RORA: variants seen among roughly 807,000 people sequenced by gnomAD.
RORA encodes RAR related orphan receptor A.
RORA carries 7 observed loss-of-function variants against 69.5 expected under a neutral mutation model. The observed-to-expected ratio is 0.10, with a 90% CI of 0.06 to 0.19. The LOEUF (loss-of-function observed/expected upper bound fraction) is 0.19. Ranked by LOEUF, RORA falls within the 10% of genes least tolerant of loss-of-function variation. The probability of loss-of-function intolerance (pLI) is 1.00; values close to 1 mark genes in which losing one functional copy is unlikely to be tolerated. For missense variants in RORA, 457 were observed against 663.0 expected (o/e 0.69, Z 3.41); for synonymous variants, 261 against 240.8 (o/e 1.08, Z -0.78).
At chr15:60,806,645 G>T (rs2072663690) in intron 1 of RORA, among the ~76,000 whole-genome samples, 1 of 152,186 alleles carries the variant, frequency 6.6e-6, no homozygotes, top group Admixed American at 6.5e-5. Flanking sequence ...CTACAAAGTA[G>T]GCACTGTGGG....
chr15:60,510,658 G>C (rs2065665843), intron 5 of RORA: 1 of 152,816 alleles, frequency 6.5e-6, no homozygotes, highest in Non-Finnish European at 1.5e-5. Context: ...ATTGAAAGGT[G>C]TAATCCCCTG....
chr15:60,734,184 G>A (rs1217122902), intron 1 of RORA, among the ~76,000 whole-genome samples: 2 of 152,096 alleles, frequency 1.3e-5, no homozygotes, highest in African/African-American at 4.8e-5. Flanking sequence ...CCCTAAATCA[G>A]TGTTCTCCAA....
intron 1 of RORA, among the ~76,000 whole-genome samples, chr15:61,152,313 G>A (rs1313152898): frequency 2.0e-5 from 3 of 151,996 alleles, no homozygotes; most frequent in African/African-American, 7.3e-5. Flanking sequence ...AGAAGGAAGT[G>A]GAATAAGCAA....
chr15:61,118,643 G>A (rs930462528), intron 1 of RORA, among the ~76,000 whole-genome samples: 21 of 152,114 alleles, frequency 1.4e-4, no homozygotes, highest in African/African-American at 4.8e-4. Context: ...CCAGAGGTGA[G>A]AGAGAGCAGC....
intron 1 of RORA, among the ~76,000 whole-genome samples, chr15:60,721,057 A>G (rs1451731671): frequency 6.6e-6 from 1 of 152,294 alleles, no homozygotes; most frequent in East Asian, 1.9e-4. Flanking sequence ...ACAGAGAAAC[A>G]CAGAAACCTC....
chr15:60,997,726 C>T (rs1894603689), intron 1 of RORA, among the ~76,000 whole-genome samples: 1 of 152,154 alleles, frequency 6.6e-6, no homozygotes. Context: ...CCCATCTCTA[C>T]AATAGAAGAT....
intron 1 of RORA, among the ~76,000 whole-genome samples, chr15:60,924,756 G>T (rs1356719363): frequency 1.3e-5 from 2 of 152,280 alleles, no homozygotes; most frequent in Non-Finnish European, 2.9e-5. Flanking sequence ...AGTGATTATT[G>T]ATAGGACACA....
At chr15:61,100,148 C>T (rs1334252183) in intron 1 of RORA, among the ~76,000 whole-genome samples, 1 of 128,808 alleles carries the variant, frequency 7.8e-6, no homozygotes, top group Non-Finnish European at 1.6e-5. Flanking sequence ...GAGATGGAGT[C>T]TCACTCTGTC....
In RORA at chr15:60,730,633, C is replaced by T. The variant is rs550039443; in HGVS notation, c.167-51947G>A. Among the ~76,000 whole-genome samples the T allele has an allele frequency of 5.9e-5, 9 of 152,286 alleles. No homozygotes were observed. In the South Asian group the frequency reaches 1.9e-3, roughly 32 times the overall value. On this transcript the variant is annotated intron_variant, in intron 1 of 10. Coordinates refer to ENST00000335670, the MANE Select transcript of RORA (RefSeq NM_134261.3). ...TTAAATATATGCTTAAATACAGATGCATGTATGTGTGTGCTCACTTGTATT... is the reference window on the plus strand; with the variant it reads ...TTAAATATATGCTTAAATACAGATGTATGTATGTGTGTGCTCACTTGTATT...
intron 1 of RORA, among the ~76,000 whole-genome samples, chr15:60,773,844 T>C (rs551416700): frequency 1.3e-5 from 2 of 152,270 alleles, no homozygotes; most frequent in East Asian, 1.9e-4. Context: ...TACCTAGATA[T>C]GGAAATTTCC....
At chr15:61,031,306 A>C (rs571013446) in intron 1 of RORA, among the ~76,000 whole-genome samples, 1 of 152,270 alleles carries the variant, frequency 6.6e-6, no homozygotes, top group East Asian at 1.9e-4. Flanking sequence ...GGATGCCTTT[A>C]TTTCACACGT....
intron 1 of RORA, among the ~76,000 whole-genome samples, chr15:61,205,212 G>T (rs1322494819): frequency 6.6e-6 from 1 of 152,192 alleles, no homozygotes; most frequent in Non-Finnish European, 1.5e-5. Flanking sequence ...ACAGAGCCTG[G>T]CTGAATAAAG....
intron 1 of RORA, among the ~76,000 whole-genome samples, chr15:60,790,091 C>A (rs1195709291): frequency 6.6e-6 from 1 of 152,226 alleles, no homozygotes; most frequent in African/African-American, 2.4e-5. Flanking sequence ...AGTGAAAAGA[C>A]AAGTGGCTCA....
chr15:60,963,951 G>C lies in RORA; in HGVS notation c.166+265102C>G, dbSNP rs554719763. On this transcript the variant is annotated intron_variant, in intron 1 of 10. Coordinates refer to ENST00000335670, the MANE Select transcript of RORA (RefSeq NM_134261.3). Reference sequence around the variant, plus strand: ...TCCTTATGTCTAACTTAAGGGAATGGAGAGACATGAAAAGCAAGGTGGATT... The same window carrying C: ...TCCTTATGTCTAACTTAAGGGAATGCAGAGACATGAAAAGCAAGGTGGATT... 5.6e-4 allele frequency among the ~76,000 whole-genome samples: 86 copies of C among 152,338 alleles called. 1 individual carries two copies. Among genetic ancestry groups the C allele is most frequent in the Non-Finnish European group, 1.1e-3 (73 of 68,038 alleles).
At chr15:60,515,623 C>A (rs936334839) in intron 3 of RORA, among the ~76,000 whole-genome samples, 1 of 151,860 alleles carries the variant, frequency 6.6e-6, no homozygotes, top group African/African-American at 2.4e-5. Flanking sequence ...AACCCAAAAG[C>A]TTTACTACGT....
chr15:60,791,623 A>C (rs1360407433), intron 1 of RORA, among the ~76,000 whole-genome samples: 2 of 152,270 alleles, frequency 1.3e-5, no homozygotes, highest in African/African-American at 4.8e-5. Flanking sequence ...CAGAGGCAGC[A>C]AGCTGCAAAA....
At chr15:60,544,260 A>T (rs1349917098) in intron 2 of RORA, among the ~76,000 whole-genome samples, 2 of 152,172 alleles carry the variant, frequency 1.3e-5, no homozygotes, top group African/African-American at 2.4e-5. Flanking sequence ...CATTTCCCCA[A>T]CAGGGACCTC....
chr15:60,946,186 G>A (rs909530230), intron 1 of RORA, among the ~76,000 whole-genome samples: 3 of 152,134 alleles, frequency 2.0e-5, no homozygotes, highest in African/African-American at 4.8e-5. Flanking sequence ...ATGTCCCATG[G>A]GAGAGCAGCT....
chr15:61,139,225 C>G (rs1347719880), intron 1 of RORA, among the ~76,000 whole-genome samples: 2 of 151,902 alleles, frequency 1.3e-5, no homozygotes, highest in Non-Finnish European at 2.9e-5. Context: ...TGAGAAGCAA[C>G]AAAGGGGTGA....
Sources: allele counts gnomAD v4.1 joint callset (sites outside exome capture counted in the v4.1 genomes callset), GRCh38; gene constraint gnomAD v4.1.1; transcripts MANE v1.5; gene names NCBI Gene and HGNC (gene_info 2026-07-23, HGNC 2026-07-21).